CNTNAP2: variants seen among roughly 807,000 people sequenced by gnomAD.
CNTNAP2 encodes the protein contactin associated protein 2.
A neutral mutation model predicts 155.2 loss-of-function variants in CNTNAP2; 98 were observed. The observed-to-expected ratio is 0.63, with a 90% CI of 0.54 to 0.75. The LOEUF is 0.75. Ranked by LOEUF, CNTNAP2 falls within the 30% of genes least tolerant of loss-of-function variation. CNTNAP2 has a pLI of 0.00. For missense variants in CNTNAP2, 1,727 were observed against 1,688.1 expected (o/e 1.02, Z -0.40); for synonymous variants, 651 against 631.2 (o/e 1.03, Z -0.47).
intron 4 of CNTNAP2, among the ~76,000 whole-genome samples, chr7:147,058,116 C>T (rs1799597119): frequency 6.6e-6 from 1 of 151,976 alleles, no homozygotes; most frequent in Non-Finnish European, 1.5e-5. Flanking sequence ...TTTATTTTGC[C>T]ATTAAGGATA....
chr7:147,434,130 AT>A (rs1346758774), intron 10 of CNTNAP2, among the ~76,000 whole-genome samples: 1 of 152,208 alleles, frequency 6.6e-6, no homozygotes, highest in Non-Finnish European at 1.5e-5. Context: ...TATGTTCTTG[AT>A]GCCTATTCAA....
intron 13 of CNTNAP2, among the ~76,000 whole-genome samples, chr7:147,821,123 T>A (rs1798353011): frequency 1.3e-5 from 2 of 152,162 alleles, no homozygotes; most frequent in Non-Finnish European, 2.9e-5. Flanking sequence ...AGTATATAGT[T>A]ACTAGACATA....
At chr7:147,663,357 T>G in intron 13 of CNTNAP2, among the ~76,000 whole-genome samples, 1 of 152,210 alleles carries the variant, frequency 6.6e-6, no homozygotes, top group East Asian at 1.9e-4. Context: ...CCTTGCAAAG[T>G]TGTTAGAAAA....
intron 13 of CNTNAP2, 29 bp from the exon 14 acceptor site, chr7:147,903,536 T>C: frequency 6.2e-7 from 1 of 1,613,972 alleles, no homozygotes; most frequent in South Asian, 1.1e-5. Flanking sequence ...CAGGTCTGTT[T>C]CTAAATATAC....
intron 13 of CNTNAP2, among the ~76,000 whole-genome samples, chr7:147,839,766 T>C (rs1429015950): frequency 6.6e-6 from 1 of 152,094 alleles, no homozygotes; most frequent in African/African-American, 2.4e-5. Context: ...AAGAAATCAT[T>C]ATATAAAAAG....
chr7:146,871,308 G>A (rs1585131151), intron 3 of CNTNAP2, among the ~76,000 whole-genome samples: 3 of 151,994 alleles, frequency 2.0e-5, no homozygotes, highest in Middle Eastern at 3.4e-3. Context: ...AGGCGGGCAG[G>A]TCACCTGAGG....
At chr7:147,883,985 A>T (rs1799565348) in intron 13 of CNTNAP2, among the ~76,000 whole-genome samples, 1 of 152,212 alleles carries the variant, frequency 6.6e-6, no homozygotes. Context: ...AAATAGATAA[A>T]TAAAGTAGGA....
At chr7:148,240,199 T>G (rs1294631714) in intron 20 of CNTNAP2, among the ~76,000 whole-genome samples, 1 of 152,194 alleles carries the variant, frequency 6.6e-6, no homozygotes, top group Non-Finnish European at 1.5e-5. Flanking sequence ...TTTGGATAGA[T>G]AATGATGAGT....
chr7:146,454,317 A>G (rs886434027), intron 1 of CNTNAP2, among the ~76,000 whole-genome samples: 7 of 152,148 alleles, frequency 4.6e-5, no homozygotes, highest in African/African-American at 1.7e-4. Context: ...CGTATTTCTA[A>G]GAAGGTAGGT....
intron 1 of CNTNAP2, among the ~76,000 whole-genome samples, chr7:146,670,509 T>C (rs1256266121): frequency 1.3e-5 from 2 of 152,196 alleles, no homozygotes; most frequent in African/African-American, 2.4e-5. Context: ...GTTTATAGTC[T>C]TATAGACAGA....
chr7:147,095,970 G>A (rs1302809697), intron 4 of CNTNAP2, among the ~76,000 whole-genome samples: 1 of 152,084 alleles, frequency 6.6e-6, no homozygotes, highest in East Asian at 1.9e-4. Context: ...CGTAAAAGTA[G>A]TAAATGCACC....
intron 1 of CNTNAP2, among the ~76,000 whole-genome samples, chr7:146,411,504 G>T (rs1002470792): frequency 3.4e-4 from 52 of 152,002 alleles, no homozygotes; most frequent in African/African-American, 1.1e-3. Context: ...ATGGTAAGAA[G>T]GTGAGGTAAT....
chr7:147,387,043 A>G (rs373402166), intron 9 of CNTNAP2, among the ~76,000 whole-genome samples: 4 of 152,064 alleles, frequency 2.6e-5, no homozygotes, highest in Non-Finnish European at 5.9e-5. Flanking sequence ...AAACCATCAG[A>G]TCTCGTGAGA....
intron 21 of CNTNAP2, among the ~76,000 whole-genome samples, chr7:148,293,429 A>C (rs1272000947): frequency 1.3e-5 from 2 of 152,212 alleles, no homozygotes; most frequent in African/African-American, 4.8e-5. Flanking sequence ...TGGGCACGGT[A>C]AGTCAATAGT....
At chr7:147,073,981 C>T (rs879409524) in intron 4 of CNTNAP2, among the ~76,000 whole-genome samples, 12 of 152,024 alleles carry the variant, frequency 7.9e-5, no homozygotes, top group East Asian at 3.9e-4. Flanking sequence ...TTCATTTGTT[C>T]GCTCTTTTAA....
At chr7:146,593,522 C>T (rs1798814316) in intron 1 of CNTNAP2, among the ~76,000 whole-genome samples, 1 of 152,086 alleles carries the variant, frequency 6.6e-6, no homozygotes, top group Non-Finnish European at 1.5e-5. Context: ...CTCAGCGTCA[C>T]TCCCTCCACC....
At chr7:147,355,514 G>T (rs1020411690) in intron 9 of CNTNAP2, among the ~76,000 whole-genome samples, 1 of 151,912 alleles carries the variant, frequency 6.6e-6, no homozygotes, top group Non-Finnish European at 1.5e-5. Flanking sequence ...CTGTATTTTT[G>T]AAAAGATTAA....
At chr7:146,839,649 G>T (rs1242058804) in intron 2 of CNTNAP2, 62 bp from the exon 3 acceptor site, 3 of 1,552,296 alleles carry the variant, frequency 1.9e-6, no homozygotes, top group Non-Finnish European at 2.7e-6. Flanking sequence ...ATATTCCATT[G>T]TCAGTTGTAC....
chr7:147,409,511 A>G (rs867014562), intron 10 of CNTNAP2, among the ~76,000 whole-genome samples: 1 of 152,342 alleles, frequency 6.6e-6, no homozygotes. Flanking sequence ...CATGACGAAG[A>G]CACAAAAGCA....
Sources: gnomAD v4.1 joint callset for allele counts (sites outside exome capture counted in the v4.1 genomes callset) on GRCh38, gnomAD v4.1.1 for gene constraint, MANE v1.5 for transcripts, NCBI Gene and HGNC (gene_info 2026-07-23, HGNC 2026-07-21) for gene names.